PIK3C2G: variants seen among roughly 807,000 people sequenced by gnomAD.
PIK3C2G encodes phosphatidylinositol 3-kinase C2 domain-containing subunit gamma.
In PIK3C2G, 168 loss-of-function variants were observed where a neutral mutation model predicts 181.1. The observed-to-expected ratio is 0.93, with a 90% confidence interval of 0.82 to 1.05. PIK3C2G has a LOEUF of 1.05. PIK3C2G is among the 50% of genes least tolerant of loss of function. PIK3C2G has a pLI of 0.00. For missense variants in PIK3C2G, 1,869 were observed against 1,732.8 expected, an observed-to-expected ratio of 1.08 and a Z score of -1.40; for synonymous variants, 573 against 592.2, an observed-to-expected ratio of 0.97 and a Z score of 0.47.
intron 10 of PIK3C2G, among the ~76,000 whole-genome samples, chr12:18,344,960 C>A (rs1244868230): frequency 6.6e-6 from 1 of 152,076 alleles, no homozygotes; most frequent in East Asian, 1.9e-4. Flanking sequence ...ATCCAAGAAC[C>A]ATGTTTCTGC....
chr12:18,376,157 C>T (rs1266217417), intron 13 of PIK3C2G, among the ~76,000 whole-genome samples: 1 of 152,166 alleles, frequency 6.6e-6, no homozygotes, highest in Non-Finnish European at 1.5e-5. Flanking sequence ...CCACCACTCT[C>T]CAGATTCTGG....
chr12:18,279,219 G>A (rs796782000), intron 1 of PIK3C2G, among the ~76,000 whole-genome samples: 11 of 152,056 alleles, frequency 7.2e-5, no homozygotes, highest in African/African-American at 2.6e-4. Flanking sequence ...CGTTAGATAA[G>A]TTAATACATT....
At chr12:18,477,079 A>G (rs144016765) in intron 18 of PIK3C2G, among the ~76,000 whole-genome samples, 24 of 152,100 alleles carry the variant, frequency 1.6e-4, no homozygotes, top group South Asian at 1.0e-3. Flanking sequence ...GCGTCCTCAC[A>G]TGGCCTTTCT....
intron 24 of PIK3C2G, among the ~76,000 whole-genome samples, chr12:18,511,259 G>A (rs1942188684): frequency 2.0e-5 from 3 of 151,832 alleles, no homozygotes; most frequent in African/African-American, 7.3e-5. Flanking sequence ...CCATATCTTG[G>A]CTATTGTGAA....
chr12:18,700,498 T>C, the PIK3C2G span, among the ~76,000 whole-genome samples: 1 of 86,200 alleles, frequency 1.2e-5, no homozygotes, highest in Non-Finnish European at 2.1e-5. Flanking sequence ...CATAACCAGA[T>C]CAGAGCCAAC....
chr12:18,632,407 G>GTTAA (rs942221298), intron 31 of PIK3C2G, among the ~76,000 whole-genome samples: 1 of 152,138 alleles, frequency 6.6e-6, no homozygotes, highest in African/African-American at 2.4e-5. Flanking sequence ...CCAATGAAAA[G>GTTAA]TTAAGATACC....
the PIK3C2G span, among the ~76,000 whole-genome samples, chr12:18,699,313 C>A: frequency 6.6e-6 from 1 of 152,188 alleles, no homozygotes; most frequent in African/African-American, 2.4e-5. Flanking sequence ...TGTCTCCACT[C>A]TCACTGCCAG....
intron 8 of PIK3C2G, among the ~76,000 whole-genome samples, chr12:18,334,725 C>T (rs540368087): frequency 2.0e-5 from 3 of 152,116 alleles, no homozygotes; most frequent in Non-Finnish European, 4.4e-5. Context: ...TTTGTTATTT[C>T]TTGAAATAGG....
rs1555149102 is a variant in PIK3C2G, at chr12:18,292,227, AATAT to A, written c.919+1240_919+1243del. Among the ~76,000 whole-genome samples the A allele has an allele frequency of 6.4e-3, 310 of 48,446 alleles. 3 individuals are homozygous for A. The highest frequency in any genetic ancestry group is 0.013 in the African/African-American group (117 of 9,016). 31.8% of individuals were successfully genotyped at this position (48,446 alleles called of 152,430 possible). On this transcript the variant is annotated intron_variant, in intron 4 of 32. Transcript: ENST00000538779. ...CTCCATCTCAAAAAAAAAAAAAAAA[AATAT>A]ATATATATATATATATATATATATG...
chr12:18,650,686 GTGTGTGTGTGTGTGTGTGTATATAT>G (rs1950416088), downstream of PIK3C2G, among the ~76,000 whole-genome samples: 1 of 43,998 alleles, frequency 2.3e-5, no homozygotes. Context: ...GTGTGTGTGT[GTGTGTGTGTGTGTGTGTGTATATAT>G]CTATATATAT....
intron 26 of PIK3C2G, among the ~76,000 whole-genome samples, chr12:18,559,261 G>A (rs945611280): frequency 1.1e-4 from 17 of 152,142 alleles, no homozygotes; most frequent in African/African-American, 3.4e-4. Flanking sequence ...AAATCAACCA[G>A]GATAGCAAAA....
chr12:18,254,255 T>C (rs1165798803), intron 1 of PIK3C2G, among the ~76,000 whole-genome samples: 2 of 152,154 alleles, frequency 1.3e-5, no homozygotes, highest in Non-Finnish European at 2.9e-5. Context: ...TGTTTTGTTT[T>C]TCTTTTCAGA....
chr12:18,494,286 C>G (rs1245967401), intron 20 of PIK3C2G, among the ~76,000 whole-genome samples: 1 of 152,082 alleles, frequency 6.6e-6, no homozygotes, highest in Non-Finnish European at 1.5e-5. Flanking sequence ...CTATGGCCCT[C>G]AAAATCTTCA....
chr12:18,640,341 C>A, intron 31 of PIK3C2G, 88 bp from the exon 32 acceptor site: 1 of 1,097,918 alleles, frequency 9.1e-7, no homozygotes, highest in Non-Finnish European at 1.3e-6. Flanking sequence ...AATCCTGATC[C>A]TGCCTTTGGT....
At chr12:18,522,200 C>G (rs78892021) in intron 24 of PIK3C2G, among the ~76,000 whole-genome samples, 15 of 152,310 alleles carry the variant, frequency 9.8e-5, no homozygotes, top group African/African-American at 3.6e-4. Flanking sequence ...TGGCCCTGCC[C>G]CTAATTTGTA....
chr12:18,701,831 T>A, the PIK3C2G span: 1 of 1,548,974 alleles, frequency 6.5e-7, no homozygotes, highest in Non-Finnish European at 8.7e-7. Flanking sequence ...ATTTGCATTG[T>A]AACAGTCACT....
Position 18,591,202 on chromosome 12 carries a change from A to C in PIK3C2G, c.4012-3292A>C, listed in dbSNP as rs149249033. On this transcript the variant is annotated intron_variant, in intron 29 of 32. Transcript: ENST00000538779. The stretch of plus-strand genomic sequence containing the variant: ...ACAAGTTCACAAGAGATCAATTCAC[A>C]GATGAAAATTGGCAACTGACTAATT... Among the ~76,000 whole-genome samples the C allele has an allele frequency of 1.0e-2, 1,516 of 152,072 alleles. 12 individuals carry two copies. The highest frequency in any genetic ancestry group is 0.022 in the African/African-American group (908 of 41,536).
chr12:18,379,920 G>T (rs184090060), intron 13 of PIK3C2G, among the ~76,000 whole-genome samples: 157 of 152,254 alleles, frequency 1.0e-3, no homozygotes, highest in Non-Finnish European at 1.8e-3. Flanking sequence ...GATATTTCCA[G>T]ATCCCATCTC....
chr12:18,481,280 T>C (rs1409602108), intron 18 of PIK3C2G, among the ~76,000 whole-genome samples: 3 of 152,158 alleles, frequency 2.0e-5, no homozygotes, highest in Non-Finnish European at 4.4e-5. Flanking sequence ...ATCACCAATT[T>C]GGGGGCTCAC....
Sources: gnomAD v4.1 joint callset for allele counts (sites outside exome capture counted in the v4.1 genomes callset) on GRCh38, gnomAD v4.1.1 for gene constraint, MANE v1.5 for transcripts, NCBI Gene and HGNC (gene_info 2026-07-23, HGNC 2026-07-21) for gene names.